KATNA1: variants seen among roughly 807,000 people sequenced by gnomAD.
The protein encoded by KATNA1 is katanin p60 ATPase-containing subunit A1.
A neutral mutation model predicts 62.6 loss-of-function variants in KATNA1; 42 were observed. The observed-to-expected ratio is 0.67, with a 90% CI of 0.52 to 0.87. The LOEUF (loss-of-function observed/expected upper bound fraction) is 0.87, where lower values mean the gene tolerates loss of function less well. KATNA1 is among the 40% of genes least tolerant of loss of function. KATNA1 has a pLI of 0.00. For synonymous variants in KATNA1, 186 were observed against 201.9 expected, an observed-to-expected ratio of 0.92 and a Z score of 0.67; for missense variants, 498 against 612.5, an observed-to-expected ratio of 0.81 and a Z score of 1.97.
chr6:149,634,225 A>C (rs1013158035), intron 2 of KATNA1, among the ~76,000 whole-genome samples: 1 of 150,890 alleles, frequency 6.6e-6, no homozygotes, highest in Non-Finnish European at 1.5e-5. Context: ...GTGAGCCGAG[A>C]TCGCACCATT....
At chr6:149,642,738 A>C (rs1489937174) in intron 1 of KATNA1, among the ~76,000 whole-genome samples, 1 of 152,252 alleles carries the variant, frequency 6.6e-6, no homozygotes, top group Non-Finnish European at 1.5e-5. Flanking sequence ...TATATAAAAT[A>C]CTCATTTTTA....
chr6:149,604,794 GA>G lies in KATNA1; in HGVS notation c.502-13del, dbSNP rs778353084. The G allele has an allele frequency of 3.7e-6, 6 of 1,602,468 alleles. No homozygotes were observed. Among genetic ancestry groups the G allele is most frequent in the Non-Finnish European group, 5.1e-6 (6 of 1,177,108 alleles). On this transcript the variant is annotated splice_polypyrimidine_tract_variant and intron_variant, in intron 4 of 10. Coordinates refer to ENST00000367411, the MANE Select transcript of KATNA1 (RefSeq NM_007044.4). ...GCAGGTGATTTGTTCTACATGAAGA[GA>G]AAAAAACAAGCGCTTTTGATTCATT...
intron 7 of KATNA1, 85 bp downstream of exon 7, chr6:149,601,509 T>C: frequency 8.1e-7 from 1 of 1,237,222 alleles, no homozygotes; most frequent in Non-Finnish European, 1.1e-6. Context: ...CCTGCCTAAC[T>C]ATTCCATATA....
At chr6:149,603,759 G>A (rs997870846) in intron 5 of KATNA1, among the ~76,000 whole-genome samples, 1 of 152,054 alleles carries the variant, frequency 6.6e-6, no homozygotes, top group Non-Finnish European at 1.5e-5. Flanking sequence ...AATAAAAATC[G>A]TATAAAGCAG....
chr6:149,598,056 TACTATC>T lies in KATNA1; in HGVS notation c.1015+162_1015+167del, dbSNP rs1778395454. ...ACCACTGTCAGTGTACCAAATCTAT[TACTATC>T]ACTATCAGGAACTTCTTGCCACCCC... is the stretch of plus-strand genomic sequence containing the variant. On this transcript the variant is annotated intron_variant, in intron 8 of 10. Coordinates refer to ENST00000367411, the MANE Select transcript of KATNA1 (RefSeq NM_007044.4). 1.1e-5 allele frequency: 7 copies of T among 656,310 alleles called. No individual in the cohort carries two copies. The South Asian group carries it at 1.5e-4, about 14-fold the overall frequency. 40.7% of individuals were successfully genotyped at this position (656,310 alleles called of 1,614,324 possible).
intron 4 of KATNA1, among the ~76,000 whole-genome samples, chr6:149,619,331 T>C (rs1387951166): frequency 1.3e-5 from 2 of 151,956 alleles, no homozygotes; most frequent in African/African-American, 4.8e-5. Context: ...AGACAAAAAC[T>C]GCTGGGCGTG....
chr6:149,622,115 A>G (rs939376697), intron 4 of KATNA1, among the ~76,000 whole-genome samples: 2 of 147,176 alleles, frequency 1.4e-5, no homozygotes, highest in Admixed American at 7.0e-5. Context: ...ACAGCTTTTG[A>G]TAACTGTGTT....
At chr6:149,606,436 C>T (rs374630505) in intron 4 of KATNA1, among the ~76,000 whole-genome samples, 23 of 152,122 alleles carry the variant, frequency 1.5e-4, no homozygotes, top group East Asian at 3.9e-4. Flanking sequence ...TTTTTTTGCA[C>T]GTAACATGAT....
At chr6:149,606,872 A>C (rs1269973855) in intron 4 of KATNA1, among the ~76,000 whole-genome samples, 1 of 152,114 alleles carries the variant, frequency 6.6e-6, no homozygotes, top group East Asian at 1.9e-4. Context: ...TGCCCACCTC[A>C]GCCTCCCAAA....
chr6:149,647,676 A>T (rs1026654507), intron 1 of KATNA1, among the ~76,000 whole-genome samples: 3 of 152,206 alleles, frequency 2.0e-5, no homozygotes, highest in African/African-American at 7.2e-5. Flanking sequence ...CGTGACAAAG[A>T]TCTACTGCAC....
intron 2 of KATNA1, among the ~76,000 whole-genome samples, chr6:149,634,735 G>C (rs1183018140): frequency 6.6e-6 from 1 of 152,054 alleles, no homozygotes; most frequent in African/African-American, 2.4e-5. Flanking sequence ...CAATTACCCT[G>C]ATTTGATCAT....
At chr6:149,618,519 A>G (rs890708346) in intron 4 of KATNA1, among the ~76,000 whole-genome samples, 2 of 152,112 alleles carry the variant, frequency 1.3e-5, no homozygotes, top group Admixed American at 1.3e-4. Context: ...GAGAACCACA[A>G]AAGACTCCAA....
chr6:149,598,798 C>G (rs1778425076), intron 7 of KATNA1, among the ~76,000 whole-genome samples: 1 of 152,092 alleles, frequency 6.6e-6, no homozygotes, highest in Non-Finnish European at 1.5e-5. Flanking sequence ...TTCTCTCACG[C>G]TAATACTGGG....
At chr6:149,613,179 CAAAAAAAAAAAAAAAAAAAAAAA>C (rs71270309) in intron 4 of KATNA1, among the ~76,000 whole-genome samples, 354 of 12,578 alleles carry the variant, frequency 0.028, 5 homozygotes, top group African/African-American at 0.047. Flanking sequence ...GACTCTGTCT[CAAAAAAAAAAAAAAAAAAAAAAA>C]AAAAAAAAAA....
intron 4 of KATNA1, among the ~76,000 whole-genome samples, chr6:149,609,788 G>C (rs927515992): frequency 1.8e-5 from 1 of 55,376 alleles, no homozygotes; most frequent in African/African-American, 8.7e-5. Flanking sequence ...GGGCGACAGA[G>C]CTAGACTCCA....
chr6:149,601,686 A>G lies in KATNA1; in HGVS notation c.796T>C (p.Cys266Arg), dbSNP rs1440631568. The change falls in exon 7 of 11, where the codon TGC (cysteine) becomes CGC (arginine). Residue 266 changes from cysteine (C) to arginine (R), a missense_variant. This residue lies in a region of KATNA1 where 267 missense variants were observed against 372.6 expected (regional missense o/e 0.72). Transcript: ENST00000367411. ...GAGACATTGAAGAATGTTGTCTTGC[A>G]TTCTGTAGCTACTGCTTTAGCAAGG... is the stretch of plus-strand genomic sequence containing the variant. Reference protein sequence around the residue: ...TLLAKAVATECKTTFFNVSSS... With the variant: ...TLLAKAVATERKTTFFNVSSS... 1 of 1,613,100 alleles carries G rather than the reference A, an allele frequency of 6.2e-7. No homozygotes were observed. Among genetic ancestry groups the G allele is most frequent in the African/African-American group, 1.3e-5 (1 of 75,034 alleles).
intron 4 of KATNA1, among the ~76,000 whole-genome samples, chr6:149,621,837 C>T (rs1779408716): frequency 6.6e-6 from 1 of 152,008 alleles, no homozygotes; most frequent in Non-Finnish European, 1.5e-5. Flanking sequence ...GAGGAAGTAT[C>T]AGGCAAGCCC....
intron 3 of KATNA1, among the ~76,000 whole-genome samples, chr6:149,627,463 G>A (rs901221575): frequency 6.6e-6 from 1 of 150,800 alleles, no homozygotes; most frequent in Non-Finnish European, 1.5e-5. Context: ...CTACTTGGGA[G>A]GCTGCAGTAA....
intron 3 of KATNA1, among the ~76,000 whole-genome samples, chr6:149,628,604 G>A (rs1007454440): frequency 2.0e-4 from 30 of 151,812 alleles, no homozygotes; most frequent in Non-Finnish European, 2.9e-4. Context: ...GGTGGATCAC[G>A]AGGTCAGGAG....
Sources: allele counts gnomAD v4.1 joint callset (sites outside exome capture counted in the v4.1 genomes callset), GRCh38; gene constraint gnomAD v4.1.1; regional missense constraint gnomAD v4.1.1; transcripts MANE v1.5; gene names NCBI Gene and HGNC (gene_info 2026-07-23, HGNC 2026-07-21).